The following DAB1 variants were observed in gnomAD, a reference collection of about 807,000 sequenced individuals.
DAB1 encodes the protein DAB adaptor protein 1.
A neutral mutation model predicts 64.6 loss-of-function variants in DAB1; 15 were observed. The ratio of observed to expected loss-of-function variants is 0.23; its 90% CI spans 0.16 to 0.36. DAB1 has a LOEUF of 0.36. Among genes scored for constraint, DAB1 ranks in the 10% least tolerant of loss-of-function variants. DAB1 has a pLI of 1.00. For synonymous variants in DAB1, 235 were observed against 251.9 expected (o/e 0.93, Z 0.64); for missense variants, 596 against 706.7 (o/e 0.84, Z 1.78).
At chr1:58,181,845 T>C (rs1393546979) in intron 4 of DAB1, among the ~76,000 whole-genome samples, 4 of 152,012 alleles carry the variant, frequency 2.6e-5, no homozygotes, top group Non-Finnish European at 5.9e-5. Flanking sequence ...AAAAGAAACA[T>C]ATATTTATTG....
At chr1:58,047,912 A>T in intron 5 of DAB1, 1 of 381,062 alleles carries the variant, frequency 2.6e-6, no homozygotes, top group Non-Finnish European at 4.9e-6. Flanking sequence ...TGGGTGCAAA[A>T]AAAAATCTAC....
intron 5 of DAB1, among the ~76,000 whole-genome samples, chr1:58,101,457 G>C (rs1045369814): frequency 2.6e-5 from 4 of 152,196 alleles, no homozygotes; most frequent in Non-Finnish European, 5.9e-5. Flanking sequence ...CAGAGAGTGA[G>C]AGCAACCTAG....
intron 6 of DAB1, among the ~76,000 whole-genome samples, chr1:57,727,141 T>G (rs550634240): frequency 1.3e-5 from 2 of 152,134 alleles, no homozygotes; most frequent in African/African-American, 4.8e-5. Flanking sequence ...CAATTCAACT[T>G]TGAAATCCAG....
At chr1:57,297,228 G>A (rs1255898636) in intron 1 of DAB1, among the ~76,000 whole-genome samples, 1 of 152,150 alleles carries the variant, frequency 6.6e-6, no homozygotes, top group African/African-American at 2.4e-5. Context: ...ACAATTAAAT[G>A]CCATATCTAT....
At chr1:57,660,141 A>T (rs935901071) in intron 6 of DAB1, among the ~76,000 whole-genome samples, 10 of 152,152 alleles carry the variant, frequency 6.6e-5, no homozygotes, top group Non-Finnish European at 1.3e-4. Flanking sequence ...TTGGAAAGAT[A>T]TTAGATAATA....
At chr1:57,716,064 C>A (rs1647080425) in intron 6 of DAB1, among the ~76,000 whole-genome samples, 1 of 152,152 alleles carries the variant, frequency 6.6e-6, no homozygotes, top group Admixed American at 6.5e-5. Flanking sequence ...CACCTGCCAC[C>A]ACACCCAGTT....
chr1:57,610,544 C>A (rs1194809271), intron 7 of DAB1, among the ~76,000 whole-genome samples: 1 of 152,152 alleles, frequency 6.6e-6, no homozygotes, highest in African/African-American at 2.4e-5. Context: ...TGTATTAGTT[C>A]ATTCTCACCC....
chr1:57,166,596 C>T (rs1389798282), intron 2 of DAB1, among the ~76,000 whole-genome samples: 2 of 152,110 alleles, frequency 1.3e-5, no homozygotes, highest in African/African-American at 4.8e-5. Flanking sequence ...GACTTTGAAC[C>T]AGGGTTGTCT....
intron 4 of DAB1, among the ~76,000 whole-genome samples, chr1:58,196,693 G>A (rs942680720): frequency 6.6e-6 from 1 of 152,110 alleles, no homozygotes; most frequent in African/African-American, 2.4e-5. Flanking sequence ...CAGGAGAGAG[G>A]AGAGAGCCCA....
At chr1:58,027,556 T>C (rs867948911) in intron 5 of DAB1, among the ~76,000 whole-genome samples, 3 of 152,178 alleles carry the variant, frequency 2.0e-5, no homozygotes, top group African/African-American at 2.4e-5. Context: ...TGCTAGTCTA[T>C]GAAATTCTCA....
chr1:57,823,911 C>T (rs1054764806), downstream of DAB1, among the ~76,000 whole-genome samples: 28 of 152,288 alleles, frequency 1.8e-4, no homozygotes, highest in Admixed American at 1.5e-3. Context: ...GGATTTGACC[C>T]TAGACCTGTC....
chr1:58,323,352 A>G (rs1162350930), intron 4 of DAB1, among the ~76,000 whole-genome samples: 1 of 152,112 alleles, frequency 6.6e-6, no homozygotes, highest in Non-Finnish European at 1.5e-5. Flanking sequence ...CTGAAGAATT[A>G]TAATTTGCTG....
intron 7 of DAB1, among the ~76,000 whole-genome samples, chr1:57,636,638 C>A (rs1431946126): frequency 3.3e-5 from 5 of 152,006 alleles, no homozygotes; most frequent in Non-Finnish European, 7.4e-5. Context: ...AAAATGTGCT[C>A]GTGGGTGAGA....
chr1:58,370,934 T>G (rs117753742), intron 3 of DAB1, among the ~76,000 whole-genome samples: 6,598 of 152,246 alleles, frequency 0.043, 252 homozygotes, highest in East Asian at 0.21. Context: ...AATTACCCAA[T>G]CTCAGGTATT....
At chr1:58,083,024 C>T (rs911169166) in intron 5 of DAB1, among the ~76,000 whole-genome samples, 11 of 152,146 alleles carry the variant, frequency 7.2e-5, no homozygotes, top group South Asian at 2.1e-4. Flanking sequence ...TTTTGATAAG[C>T]GGTATTCTTG....
chr1:58,079,582 G>A (rs893588929), intron 5 of DAB1, among the ~76,000 whole-genome samples: 2 of 139,054 alleles, frequency 1.4e-5, no homozygotes. Flanking sequence ...GAGTGCAATG[G>A]CGCAATCTCG....
intron 7 of DAB1, among the ~76,000 whole-genome samples, chr1:57,644,004 G>T (rs1045937461): frequency 6.6e-6 from 1 of 152,196 alleles, no homozygotes; most frequent in African/African-American, 2.4e-5. Context: ...CACAAACGAG[G>T]GTCTTCTGAT....
intron 7 of DAB1, among the ~76,000 whole-genome samples, chr1:57,456,100 AC>A (rs1327598939): frequency 6.6e-6 from 1 of 152,164 alleles, no homozygotes; most frequent in Non-Finnish European, 1.5e-5. Context: ...TTTCCCTGTA[AC>A]ATCCACCTAT....
intron 6 of DAB1, among the ~76,000 whole-genome samples, chr1:57,718,489 G>T (rs1037234104): frequency 6.6e-6 from 1 of 152,088 alleles, no homozygotes; most frequent in Admixed American, 6.5e-5. Context: ...GTGTCCAGAA[G>T]AATTTTTTTT....
Sources: allele counts gnomAD v4.1 joint callset (sites outside exome capture counted in the v4.1 genomes callset), GRCh38; gene constraint gnomAD v4.1.1; transcripts MANE v1.5; gene names NCBI Gene and HGNC (gene_info 2026-07-23, HGNC 2026-07-21).